The following LRFN5 variants were observed in gnomAD, a reference collection of about 807,000 sequenced individuals.
The protein encoded by LRFN5 is leucine-rich repeat and fibronectin type-III domain-containing protein 5.
A neutral mutation model predicts 45.6 loss-of-function variants in LRFN5; 24 were observed. The observed-to-expected ratio is 0.53, with a 90% CI of 0.38 to 0.74. The LOEUF (loss-of-function observed/expected upper bound fraction) is 0.74, where lower values mean the gene tolerates loss of function less well. Among genes scored for constraint, LRFN5 ranks in the 30% least tolerant of loss-of-function variants. The probability of loss-of-function intolerance (pLI) is 0.00; values close to 1 mark genes in which losing one functional copy is unlikely to be tolerated. For missense variants in LRFN5, 776 were observed against 861.5 expected (o/e 0.90, Z 1.24); for synonymous variants, 340 against 313.8 (o/e 1.08, Z -0.88).
At chr14:41,627,680 A>G (rs1452366452) in intron 1 of LRFN5, among the ~76,000 whole-genome samples, 2 of 152,176 alleles carry the variant, frequency 1.3e-5, no homozygotes, top group Admixed American at 6.6e-5. Flanking sequence ...GAATATATAG[A>G]TATCTCTATG....
chr14:41,798,066 A>C (rs1887196093), intron 2 of LRFN5, among the ~76,000 whole-genome samples: 1 of 152,034 alleles, frequency 6.6e-6, no homozygotes, highest in Non-Finnish European at 1.5e-5. Context: ...GCTTTAACTT[A>C]GACTTATTGC....
At chr14:41,861,706 G>A (rs540040004) in intron 2 of LRFN5, among the ~76,000 whole-genome samples, 149 of 152,268 alleles carry the variant, frequency 9.8e-4, no homozygotes, top group African/African-American at 3.2e-3. Context: ...TGTGAGATAC[G>A]TTAATTTTAA....
intron 1 of LRFN5, among the ~76,000 whole-genome samples, chr14:41,709,575 G>T (rs755854501): frequency 6.6e-6 from 1 of 151,834 alleles, no homozygotes; most frequent in African/African-American, 2.4e-5. Context: ...TTACCTGCCA[G>T]TCCTTTTTAT....
At chr14:41,788,551 G>C (rs1340099206) in intron 2 of LRFN5, among the ~76,000 whole-genome samples, 1 of 139,544 alleles carries the variant, frequency 7.2e-6, no homozygotes, top group Non-Finnish European at 1.6e-5. Context: ...AAAAAATTAT[G>C]TTTAAAAAAA....
At position 41,619,927 on chromosome 14, in the gene LRFN5, C is replaced by A. The variant is rs537957785; in HGVS notation, c.-197+11365C>A. ...AGCGACTGGCAAATAATGGAATGCT[C>A]AAACAGCACTAGCAATTATTATTAT... On this transcript the variant is annotated intron_variant, in intron 1 of 5. Coordinates refer to ENST00000298119, the MANE Select transcript of LRFN5 (RefSeq NM_152447.5). Among the ~76,000 whole-genome samples the A allele has an allele frequency of 4.6e-5, 7 of 152,074 alleles. No individual in the cohort carries two copies. The South Asian group carries it at 1.4e-3, about 31-fold the overall frequency.
chr14:41,815,287 G>A (rs1277937241), intron 2 of LRFN5, among the ~76,000 whole-genome samples: 1 of 152,062 alleles, frequency 6.6e-6, no homozygotes, highest in African/African-American at 2.4e-5. Flanking sequence ...TTATTATTGT[G>A]TAATGCCCCT....
At chr14:41,757,028 A>T (rs1885422825) in intron 1 of LRFN5, among the ~76,000 whole-genome samples, 1 of 152,140 alleles carries the variant, frequency 6.6e-6, no homozygotes, top group South Asian at 2.1e-4. Flanking sequence ...TCCACTCCAG[A>T]TCCTGTTTGC....
At chr14:41,858,865 A>G (rs983625550) in intron 2 of LRFN5, among the ~76,000 whole-genome samples, 3 of 151,832 alleles carry the variant, frequency 2.0e-5, no homozygotes, top group African/African-American at 7.3e-5. Flanking sequence ...TTACTCTAGA[A>G]CTCCCCACTA....
At chr14:41,731,508 G>T (rs1260798159) in intron 1 of LRFN5, among the ~76,000 whole-genome samples, 3 of 152,026 alleles carry the variant, frequency 2.0e-5, no homozygotes, top group Non-Finnish European at 4.4e-5. Flanking sequence ...GCTAATAAAT[G>T]ATAGAATCAA....
chr14:41,838,170 T>C (rs1231413829), intron 2 of LRFN5, among the ~76,000 whole-genome samples: 4 of 152,226 alleles, frequency 2.6e-5, no homozygotes, highest in Non-Finnish European at 2.9e-5. Context: ...TTCTATTTTG[T>C]ATTATTTATT....
At chr14:41,637,468 A>C (rs968861661) in intron 1 of LRFN5, among the ~76,000 whole-genome samples, 1 of 152,124 alleles carries the variant, frequency 6.6e-6, no homozygotes, top group Non-Finnish European at 1.5e-5. Context: ...TATTAAATCC[A>C]GAATTTTTCT....
intron 1 of LRFN5, among the ~76,000 whole-genome samples, chr14:41,744,753 G>T (rs1884849914): frequency 6.6e-6 from 1 of 152,060 alleles, no homozygotes; most frequent in South Asian, 2.1e-4. Flanking sequence ...TATAGTAATA[G>T]CAGATGAAAT....
Position 41,719,164 on chromosome 14 carries a change from A to G in LRFN5, c.-196-47690A>G, listed in dbSNP as rs74377478. Among the ~76,000 whole-genome samples, 51 of 152,274 alleles carry G rather than the reference A, an allele frequency of 3.3e-4. No homozygotes were observed. In the East Asian group the frequency reaches 7.3e-3, roughly 22 times the overall value. ...TGCAAAACACGAAAAGAGACCTCAT[A>G]TAAAGGAATGTGTTCATTATTTTAC... is the stretch of plus-strand genomic sequence containing the variant. On this transcript the variant is annotated intron_variant, in intron 1 of 5. Transcript: ENST00000298119.
intron 1 of LRFN5, among the ~76,000 whole-genome samples, chr14:41,654,477 C>T (rs1360745698): frequency 1.3e-5 from 2 of 151,820 alleles, no homozygotes; most frequent in Non-Finnish European, 2.9e-5. Flanking sequence ...GAAGAAATCA[C>T]ATAGTTTGAG....
intron 1 of LRFN5, among the ~76,000 whole-genome samples, chr14:41,755,647 G>A (rs1885342554): frequency 6.6e-6 from 1 of 151,966 alleles, no homozygotes; most frequent in Admixed American, 6.6e-5. Flanking sequence ...TTTATTTTGA[G>A]CCTATGTGTG....
intron 4 of LRFN5, chr14:41,893,426 A>G (rs865851482): frequency 2.0e-6 from 2 of 985,272 alleles, no homozygotes; most frequent in African/African-American, 3.5e-5. Flanking sequence ...TCACCTGAGA[A>G]CTGACCCATT....
At chr14:41,871,041 A>G (rs1324508775) in intron 2 of LRFN5, among the ~76,000 whole-genome samples, 1 of 151,750 alleles carries the variant, frequency 6.6e-6, no homozygotes, top group South Asian at 2.1e-4. Flanking sequence ...ATCATATCTG[A>G]TAAATATTTA....
At chr14:41,770,427 A>G (rs1354193809) in intron 2 of LRFN5, among the ~76,000 whole-genome samples, 1 of 152,172 alleles carries the variant, frequency 6.6e-6, no homozygotes, top group Non-Finnish European at 1.5e-5. Flanking sequence ...CCTTCCACCT[A>G]TGAGCCTGTA....
At chr14:41,839,319 T>G (rs1888776679) in intron 2 of LRFN5, among the ~76,000 whole-genome samples, 2 of 151,094 alleles carry the variant, frequency 1.3e-5, no homozygotes, top group South Asian at 4.2e-4. Flanking sequence ...AGAGTAGATT[T>G]TTTTTAAAAA....
Sources: gnomAD v4.1 joint callset for allele counts (sites outside exome capture counted in the v4.1 genomes callset) on GRCh38, gnomAD v4.1.1 for gene constraint, MANE v1.5 for transcripts, NCBI Gene and HGNC (gene_info 2026-07-23, HGNC 2026-07-21) for gene names.